Variants in DHX30 observed in about 807,000 individuals in gnomAD.
The protein encoded by DHX30 is ATP-dependent RNA helicase DHX30.
DHX30 carries 4 observed loss-of-function variants against 116.9 expected under a neutral mutation model. The observed-to-expected ratio is 0.03, with a 90% CI of 0.02 to 0.08. DHX30 has a LOEUF of 0.08. DHX30 is among the 10% of genes least tolerant of loss of function. DHX30 has a pLI of 1.00. For synonymous variants in DHX30, 697 were observed against 651.7 expected, an observed-to-expected ratio of 1.07 and a Z score of -1.06; for missense variants, 871 against 1,595.1, an observed-to-expected ratio of 0.55 and a Z score of 7.73.
chr3:47,843,030 T>C, intron 8 of DHX30, 76 bp from the exon 9 acceptor site: 1 of 1,554,288 alleles, frequency 6.4e-7, no homozygotes, highest in South Asian at 1.2e-5. Flanking sequence ...TCTGGGCTCC[T>C]TGGCATTCTG....
In DHX30 at chr3:47,848,014, G is replaced by T; in HGVS notation, c.2286+58G>T. The T allele has an allele frequency of 1.9e-6, 3 of 1,602,192 alleles. No homozygotes were observed. Among genetic ancestry groups the T allele is most frequent in the Non-Finnish European group, 2.6e-6 (3 of 1,171,674 alleles). On this transcript the variant is annotated intron_variant, in intron 14 of 21. Transcript: ENST00000445061. This position sits in a 1 kb window ranked among gnomAD's most constrained non-coding sequence, Gnocchi z 9.4. ...TGGGGGAGGGACTCCGTTTTGAGGT[G>T]GTCCCCAGCCCAGATCTACCTTAGA...
chr3:47,845,104 A>G (rs529875233), intron 9 of DHX30, among the ~76,000 whole-genome samples: 1 of 152,102 alleles, frequency 6.6e-6, no homozygotes, highest in African/African-American at 2.4e-5. Context: ...GTAGCCACAC[A>G]GTGAGTGGTT....
intron 7 of DHX30, 73 bp from the exon 8 acceptor site, chr3:47,841,544 C>T: frequency 6.2e-7 from 1 of 1,604,966 alleles, no homozygotes; most frequent in East Asian, 2.2e-5. Context: ...GTCCTCACCC[C>T]TACATCGCAG....
intron 9 of DHX30, among the ~76,000 whole-genome samples, chr3:47,845,256 C>T (rs547251837): frequency 1.1e-4 from 16 of 152,250 alleles, no homozygotes; most frequent in Non-Finnish European, 1.5e-4. Flanking sequence ...GTCATGATCT[C>T]GGCTCACTGC....
intron 2 of DHX30, among the ~76,000 whole-genome samples, chr3:47,808,275 G>A (rs1334479822): frequency 1.3e-5 from 2 of 151,772 alleles, no homozygotes; most frequent in South Asian, 2.1e-4. Flanking sequence ...GGAGTGCAGT[G>A]GCGTGATCAC....
intron 2 of DHX30, among the ~76,000 whole-genome samples, chr3:47,806,637 G>C (rs2035538741): frequency 6.6e-6 from 1 of 151,740 alleles, no homozygotes; most frequent in Admixed American, 6.6e-5. Flanking sequence ...AGTGAAGATG[G>C]GGTTTTACCA....
intron 9 of DHX30, among the ~76,000 whole-genome samples, chr3:47,845,246 G>A (rs1423317341): frequency 2.0e-5 from 3 of 152,148 alleles, no homozygotes; most frequent in South Asian, 2.1e-4. Flanking sequence ...GGAGTGCACC[G>A]TCATGATCTC....
Position 47,840,942 on chromosome 3 carries a change from T to A in DHX30, c.432T>A (p.Asp144Glu). The A allele has an allele frequency of 5.0e-6, 8 of 1,614,226 alleles. No homozygotes were observed. The highest frequency in any genetic ancestry group is 6.8e-6 in the Non-Finnish European group (8 of 1,180,046). ...FDAAKYRVLA[D>E]RFGSPADSWW... Reference sequence around the variant, plus strand: ...CAGCCAAATACCGAGTGCTAGCTGATCGCTTTGGCTCCCCTGCCGACAGCT... The same window carrying A: ...CAGCCAAATACCGAGTGCTAGCTGAACGCTTTGGCTCCCCTGCCGACAGCT... The change falls in exon 7 of 22, where the codon GAT becomes GAA. Residue 144 changes from aspartate to glutamate, a missense_variant. Asp to Glu is a conservative substitution (Grantham distance 45). Around this residue, in one of 13 missense-constraint regions of DHX30, gnomAD observed 109 missense variants for 118.8 expected, o/e 0.92. Transcript: ENST00000445061.
At chr3:47,831,310 G>T (rs1162973732) in intron 6 of DHX30, among the ~76,000 whole-genome samples, 2 of 151,946 alleles carry the variant, frequency 1.3e-5, no homozygotes, top group African/African-American at 4.8e-5. Context: ...AACTAACAGG[G>T]CAAGAACTCA....
intron 4 of DHX30, among the ~76,000 whole-genome samples, chr3:47,825,726 C>T (rs984555417): frequency 6.6e-6 from 1 of 152,052 alleles, no homozygotes; most frequent in Admixed American, 6.5e-5. Context: ...AGAGCGCCAG[C>T]CTCCACCAAC....
intron 3 of DHX30, among the ~76,000 whole-genome samples, chr3:47,814,656 G>A (rs1370076169): frequency 6.6e-6 from 1 of 151,676 alleles, no homozygotes; most frequent in Non-Finnish European, 1.5e-5. Flanking sequence ...GAGTAGCTGG[G>A]ACTACAGGCG....
In DHX30 at chr3:47,847,019, C is replaced by G; in HGVS notation, c.1929+18C>G. 6.3e-7 allele frequency: 1 copy of G among 1,599,570 alleles called. No homozygotes were observed. Among genetic ancestry groups the G allele is most frequent in the Non-Finnish European group, 8.5e-7 (1 of 1,172,192 alleles). Reference sequence around the variant, plus strand: ...ACCATGAGGTGAGGGACACCCCCATCCCACCCAAGGCTCCTGGCCTTTCCT... The same window carrying G: ...ACCATGAGGTGAGGGACACCCCCATGCCACCCAAGGCTCCTGGCCTTTCCT... On this transcript the variant is annotated intron_variant, in intron 11 of 21. Coordinates refer to ENST00000445061, the MANE Select transcript of DHX30 (RefSeq NM_138615.3). This position sits in a 1 kb window ranked among gnomAD's most constrained non-coding sequence, Gnocchi z 5.5.
At chr3:47,845,420 C>CCTGACCTG (rs2037561902) in intron 9 of DHX30, 1 of 220,972 alleles carries the variant, frequency 4.5e-6, no homozygotes, top group Non-Finnish European at 8.9e-6. Context: ...CCCCTGACCT[C>CCTGACCTG]AGGTGATTTG....
At chr3:47,842,982 C>A (rs1437957704) in intron 8 of DHX30, 124 bp from the exon 9 acceptor site, 1 of 1,243,366 alleles carries the variant, frequency 8.0e-7, no homozygotes, top group Non-Finnish European at 1.1e-6. Flanking sequence ...TAGCATGGCT[C>A]ACGCCTGGCA....
chr3:47,815,891 T>C, intron 3 of DHX30: 1 of 979,840 alleles, frequency 1.0e-6, no homozygotes, highest in South Asian at 4.7e-5. Context: ...CTCTCCCAAT[T>C]GCTGAAAATG....
At chr3:47,811,344 A>G (rs568317988) in intron 3 of DHX30, among the ~76,000 whole-genome samples, 35 of 152,084 alleles carry the variant, frequency 2.3e-4, no homozygotes, top group African/African-American at 6.7e-4. Flanking sequence ...TCTTTCTCCA[A>G]TCTTCCTCGG....
chr3:47,824,860 G>A (rs950285557), intron 4 of DHX30: 19 of 456,316 alleles, frequency 4.2e-5, no homozygotes, highest in Admixed American at 2.2e-4. Flanking sequence ...GGGCAGCGCC[G>A]AGCCCGCCTA....
chr3:47,805,828 A>G (rs1224156547), intron 2 of DHX30, among the ~76,000 whole-genome samples: 3 of 152,310 alleles, frequency 2.0e-5, no homozygotes, highest in South Asian at 4.1e-4. Context: ...GGCATGAGCC[A>G]CTGTGCCCAG....
intron 6 of DHX30, among the ~76,000 whole-genome samples, chr3:47,831,864 C>G (rs1356130621): frequency 1.3e-5 from 2 of 148,598 alleles, no homozygotes; most frequent in Admixed American, 6.8e-5. Flanking sequence ...GTGGACCACT[C>G]TAAATACTTT....
Sources: gnomAD v4.1 joint callset for allele counts (sites outside exome capture counted in the v4.1 genomes callset) on GRCh38, gnomAD v4.1.1 for gene constraint, gnomAD v4.1.1 regional missense constraint, Gnocchi (gnomAD v3.1) non-coding constraint, MANE v1.5 for transcripts, NCBI Gene and HGNC (gene_info 2026-07-23, HGNC 2026-07-21) for gene names.